Variants in SRPK2 observed in about 807,000 individuals in gnomAD.
SRPK2 encodes SRSF protein kinase 2.
Under a neutral mutation model 90.8 loss-of-function variants are expected in SRPK2, and 21 were observed. The observed-to-expected ratio is 0.23, with a 90% confidence interval of 0.16 to 0.33. The LOEUF (loss-of-function observed/expected upper bound fraction) is 0.33. Among genes scored for constraint, SRPK2 ranks in the 10% least tolerant of loss-of-function variants. The probability of loss-of-function intolerance (pLI) is 1.00; values close to 1 mark genes in which losing one functional copy is unlikely to be tolerated. For missense variants in SRPK2, 620 were observed against 869.0 expected (o/e 0.71, Z 3.60); for synonymous variants, 288 against 311.1 (o/e 0.93, Z 0.78).
chr7:105,197,426 A>C (rs562400040), intron 3 of SRPK2, among the ~76,000 whole-genome samples: 1 of 152,314 alleles, frequency 6.6e-6, no homozygotes, highest in African/African-American at 2.4e-5. Flanking sequence ...GGCAGAAACA[A>C]AGGCCCTATA....
chr7:105,179,823 T>TCAA (rs1378277467), intron 3 of SRPK2, among the ~76,000 whole-genome samples: 2 of 19,366 alleles, frequency 1.0e-4, no homozygotes, highest in Non-Finnish European at 1.8e-4. Context: ...AGAGTCCATC[T>TCAA]CAAAAAAAAA....
At chr7:105,341,707 G>T (rs531714625) in intron 2 of SRPK2, among the ~76,000 whole-genome samples, 9 of 152,188 alleles carry the variant, frequency 5.9e-5, no homozygotes, top group Admixed American at 3.9e-4. Context: ...GGTGGCTCAC[G>T]CCTGTAATCC....
chr7:105,357,037 ATT>A (rs35074269), intron 2 of SRPK2, among the ~76,000 whole-genome samples: 2 of 142,992 alleles, frequency 1.4e-5, no homozygotes, highest in African/African-American at 5.1e-5. Flanking sequence ...GTAAACACTA[ATT>A]TTTTTTTTTT....
intron 7 of SRPK2, among the ~76,000 whole-genome samples, chr7:105,159,951 TAG>T (rs1434963563): frequency 1.3e-5 from 2 of 152,226 alleles, no homozygotes; most frequent in East Asian, 3.8e-4. Context: ...GTATGACATA[TAG>T]ACTCTGTGTG....
At chr7:105,310,222 C>T (rs377273260) in intron 2 of SRPK2, among the ~76,000 whole-genome samples, 1 of 152,164 alleles carries the variant, frequency 6.6e-6, no homozygotes, top group Non-Finnish European at 1.5e-5. Flanking sequence ...GCTGAACCAA[C>T]TGAAGTTCAG....
chr7:105,133,523 T>TG (rs1802339336), intron 11 of SRPK2, among the ~76,000 whole-genome samples: 1 of 152,112 alleles, frequency 6.6e-6, no homozygotes, highest in Non-Finnish European at 1.5e-5. Context: ...AACACTGCTG[T>TG]GGGGGCCGAT....
At chr7:105,286,842 G>C (rs1245490631) in intron 2 of SRPK2, among the ~76,000 whole-genome samples, 1 of 152,180 alleles carries the variant, frequency 6.6e-6, no homozygotes, top group African/African-American at 2.4e-5. Context: ...ACCCTAGAAA[G>C]ACATTTACAC....
chr7:105,273,685 C>A lies in SRPK2; in HGVS notation c.72-69900G>T, dbSNP rs192734536. Reference sequence around the variant, plus strand: ...CACCTCCTCTACGTCTCTGTATTTGCATTACCAAATTACTAAAATATATAA... The same window carrying A: ...CACCTCCTCTACGTCTCTGTATTTGAATTACCAAATTACTAAAATATATAA... On this transcript the variant is annotated intron_variant, in intron 2 of 15. Coordinates refer to ENST00000393651, the MANE Select transcript of SRPK2 (RefSeq NM_182692.3). Among the ~76,000 whole-genome samples, 50 of 152,260 alleles carry A rather than the reference C, an allele frequency of 3.3e-4. No homozygotes were observed. In the East Asian group the frequency reaches 7.9e-3, roughly 24 times the overall value.
intron 10 of SRPK2, among the ~76,000 whole-genome samples, chr7:105,142,838 T>C (rs1233365709): frequency 1.3e-5 from 2 of 152,252 alleles, no homozygotes; most frequent in East Asian, 1.9e-4. Context: ...ATTAGCATGA[T>C]AGAAACATGG....
intron 2 of SRPK2, among the ~76,000 whole-genome samples, chr7:105,340,099 A>G (rs542143127): frequency 8.6e-5 from 13 of 152,016 alleles, no homozygotes; most frequent in Non-Finnish European, 1.2e-4. Context: ...ATCCGTAACT[A>G]TAACGATAGT....
At chr7:105,231,916 G>C (rs946116733) in intron 2 of SRPK2, among the ~76,000 whole-genome samples, 2 of 152,238 alleles carry the variant, frequency 1.3e-5, no homozygotes, top group Admixed American at 6.5e-5. Flanking sequence ...GGAGTCTAGT[G>C]GTGTGATCAT....
intron 2 of SRPK2, among the ~76,000 whole-genome samples, chr7:105,250,289 G>C (rs760893186): frequency 6.6e-6 from 1 of 152,032 alleles, no homozygotes; most frequent in Non-Finnish European, 1.5e-5. Flanking sequence ...GCAGTGAGCC[G>C]AGATGGTGCC....
intron 2 of SRPK2, among the ~76,000 whole-genome samples, chr7:105,241,472 C>T (rs1009184390): frequency 1.3e-5 from 2 of 152,174 alleles, no homozygotes; most frequent in Admixed American, 1.3e-4. Flanking sequence ...ATCCACCCCT[C>T]TTCAGCATCT....
intron 3 of SRPK2, 84 bp from the exon 4 acceptor site, chr7:105,169,349 G>A (rs1207558612): frequency 1.9e-6 from 2 of 1,036,730 alleles, no homozygotes; most frequent in South Asian, 1.4e-5. Context: ...CATTCTTGAT[G>A]TCATTAAAGA....
chr7:105,215,688 T>C (rs1797376058), intron 2 of SRPK2, among the ~76,000 whole-genome samples: 1 of 152,130 alleles, frequency 6.6e-6, no homozygotes, highest in Non-Finnish European at 1.5e-5. Context: ...TGCTACCACA[T>C]GGATGACCCC....
At chr7:105,173,357 T>C (rs1218133879) in intron 3 of SRPK2, among the ~76,000 whole-genome samples, 1 of 152,206 alleles carries the variant, frequency 6.6e-6, no homozygotes, top group Non-Finnish European at 1.5e-5. Context: ...TTCAAGTCTA[T>C]GTATATTCTC....
intron 2 of SRPK2, among the ~76,000 whole-genome samples, chr7:105,311,208 C>G (rs980552457): frequency 5.9e-5 from 9 of 151,942 alleles, no homozygotes; most frequent in Non-Finnish European, 1.0e-4. Flanking sequence ...AATAAATAAC[C>G]CAATTAAATA....
At chr7:105,276,526 C>G (rs912760505) in intron 2 of SRPK2, among the ~76,000 whole-genome samples, 1 of 151,478 alleles carries the variant, frequency 6.6e-6, no homozygotes, top group African/African-American at 2.4e-5. Context: ...CCGCTTAAGC[C>G]CAAGAGTTCA....
chr7:105,149,537 T>G (rs1184526950), intron 7 of SRPK2, among the ~76,000 whole-genome samples: 2 of 152,092 alleles, frequency 1.3e-5, no homozygotes, highest in Non-Finnish European at 2.9e-5. Flanking sequence ...CTTGGTATGC[T>G]GGGCGCCAGT....
Sources: gnomAD v4.1 joint callset for allele counts (sites outside exome capture counted in the v4.1 genomes callset) on GRCh38, gnomAD v4.1.1 for gene constraint, MANE v1.5 for transcripts, NCBI Gene and HGNC (gene_info 2026-07-23, HGNC 2026-07-21) for gene names.